The following JOSD1 variants were observed in gnomAD, a reference collection of about 807,000 sequenced individuals.
The protein encoded by JOSD1 is josephin-1.
In JOSD1, 11 loss-of-function variants were observed where a neutral mutation model predicts 24.3. The observed-to-expected ratio is 0.45, with a 90% confidence interval of 0.29 to 0.75. JOSD1 has a LOEUF of 0.75. Ranked by LOEUF, JOSD1 falls within the 30% of genes least tolerant of loss-of-function variation. JOSD1 has a pLI of 0.11. For missense variants in JOSD1, 184 were observed against 253.5 expected, an observed-to-expected ratio of 0.73 and a Z score of 1.86; for synonymous variants, 106 against 93.8, an observed-to-expected ratio of 1.13 and a Z score of -0.75.
chr22:38,699,934 C>T lies in JOSD1; in HGVS notation c.54G>A (p.Leu18=), dbSNP rs756380535. 1.9e-6 allele frequency: 3 copies of T among 1,613,626 alleles called. No individual in the cohort carries two copies. Among genetic ancestry groups the T allele is most frequent in the African/African-American group, 1.3e-5 (1 of 74,910 alleles). Residue 18 remains leucine (L), a synonymous_variant, in exon 2 of 5, where the codon CTG becomes CTA. Transcript: ENST00000683374. ...GDKAKSESLE[L]PQAAPPQIYH... is the part of the protein sequence containing the mutation. ...AGATTTGTGGGGGTGCTGCCTGGGG[C>T]AGCTCCAATGATTCAGATTTGGCCT...
chr22:38,694,595 G>T (rs1485217623), intron 2 of JOSD1, among the ~76,000 whole-genome samples: 1 of 152,094 alleles, frequency 6.6e-6, no homozygotes, highest in Non-Finnish European at 1.5e-5. Flanking sequence ...AGGCGCAGTG[G>T]CTCAGGCCTG....
intron 2 of JOSD1, among the ~76,000 whole-genome samples, chr22:38,690,559 C>T (rs1046720455): frequency 2.0e-5 from 3 of 151,900 alleles, no homozygotes; most frequent in Admixed American, 6.6e-5. Context: ...CCCGCCACCA[C>T]GCCCACCTAA....
At chr22:38,691,525 T>C (rs1569264224) in intron 2 of JOSD1, among the ~76,000 whole-genome samples, 3 of 152,212 alleles carry the variant, frequency 2.0e-5, no homozygotes, top group Admixed American at 1.3e-4. Context: ...TTACCTTTTA[T>C]TACACTGACC....
At chr22:38,689,226 G>A in intron 3 of JOSD1, 70 bp downstream of exon 3, 8 of 1,605,458 alleles carry the variant, frequency 5.0e-6, no homozygotes, top group Non-Finnish European at 6.8e-6. Context: ...CTCATGCCAT[G>A]AGCCCAAGTA....
At chr22:38,693,694 C>T (rs1448754293) in intron 2 of JOSD1, among the ~76,000 whole-genome samples, 1 of 152,220 alleles carries the variant, frequency 6.6e-6, no homozygotes, top group Non-Finnish European at 1.5e-5. Context: ...ATTCTCCTGT[C>T]TCAGCCTCCC....
chr22:38,700,083 G>C lies in JOSD1; in HGVS notation c.-96C>G. On this transcript the variant is annotated 5_prime_UTR_variant, in exon 2 of 5. Transcript: ENST00000683374. Reference sequence around the variant, plus strand: ...TCTCAGTCTTTTCCGGATTCCTGAGGTCCACCTTATTCTCTGGTGTCCATG... The same window carrying C: ...TCTCAGTCTTTTCCGGATTCCTGAGCTCCACCTTATTCTCTGGTGTCCATG... 6.7e-7 allele frequency: 1 copy of C among 1,493,252 alleles called. No individual in the cohort carries two copies. Among genetic ancestry groups the C allele is most frequent in the Non-Finnish European group, 8.9e-7 (1 of 1,124,294 alleles). 92.5% of individuals were successfully genotyped at this position (1,493,252 alleles called of 1,614,324 possible). A position where few individuals can be genotyped will look rare whatever the true frequency, so the allele number is the denominator to read the frequency against.
In JOSD1 at chr22:38,685,660, A is replaced by T. The variant is rs2092494671; in HGVS notation, c.*2242T>A. 6.5e-6 allele frequency: 1 copy of T among 152,684 alleles called. No individual in the cohort carries two copies. The highest frequency in any genetic ancestry group is 6.5e-5 in the Admixed American group (1 of 15,288). 9.5% of individuals were successfully genotyped at this position (152,684 alleles called of 1,614,324 possible). On this transcript the variant is annotated 3_prime_UTR_variant, in exon 5 of 5. Transcript: ENST00000683374. ...TTTAATATTTGGTTAAACAAAATAC[A>T]TCTTTTGTAAACAAACGCAGCACAA...
Position 38,700,168 on chromosome 22 carries a change from C to T in JOSD1, c.-181G>A. The T allele has an allele frequency of 2.3e-6, 3 of 1,310,756 alleles. No homozygotes were observed. The highest frequency in any genetic ancestry group is 2.9e-6 in the Non-Finnish European group (3 of 1,030,772). 81.2% of individuals were successfully genotyped at this position (1,310,756 alleles called of 1,614,324 possible). The stretch of plus-strand genomic sequence containing the variant: ...TCAAAAGGAAAAAAATAAAACCCAC[C>T]TCTTCTCTCTTCTCAATAGAAAAAT... On this transcript the variant is annotated 5_prime_UTR_variant, in exon 2 of 5. Coordinates refer to ENST00000683374, the MANE Select transcript of JOSD1 (RefSeq NM_001360236.2).
At chr22:38,701,149 C>T (rs963909136), upstream of JOSD1, 73 of 243,576 alleles carry the variant, frequency 3.0e-4, no homozygotes, top group African/African-American at 1.6e-3. Flanking sequence ...TTGCAAAGGC[C>T]GTGGGTGTGG....
chr22:38,688,115 T>C (rs2092506146), intron 4 of JOSD1, 114 bp from the exon 5 acceptor site: 1 of 687,288 alleles, frequency 1.5e-6, no homozygotes, highest in African/African-American at 1.8e-5. Flanking sequence ...AACACATCCC[T>C]GTAGTCATCT....
At chr22:38,696,861 C>CT (rs988120482) in intron 2 of JOSD1, among the ~76,000 whole-genome samples, 13 of 152,178 alleles carry the variant, frequency 8.5e-5, no homozygotes, top group African/African-American at 2.9e-4. Context: ...TATTTTGCTT[C>CT]TTTTTTCTGG....
chr22:38,691,942 C>G (rs1391170518), intron 2 of JOSD1, among the ~76,000 whole-genome samples: 3 of 152,196 alleles, frequency 2.0e-5, no homozygotes, highest in Non-Finnish European at 4.4e-5. Flanking sequence ...CTAAAGAGTG[C>G]CTGGCACAAG....
chr22:38,691,666 GC>G (rs2145808350), intron 2 of JOSD1, among the ~76,000 whole-genome samples: 1 of 152,210 alleles, frequency 6.6e-6, no homozygotes, highest in Non-Finnish European at 1.5e-5. Flanking sequence ...CCATAGAGAG[GC>G]CTTTTCTTTT....
intron 2 of JOSD1, among the ~76,000 whole-genome samples, chr22:38,696,096 A>C (rs1288943444): frequency 6.6e-6 from 1 of 152,136 alleles, no homozygotes; most frequent in African/African-American, 2.4e-5. Context: ...GGAATGCAGA[A>C]CTAGATGTAA....
rs529501857 is a variant in JOSD1 at position 38,697,597 on chromosome 22, A to G, written c.185+2206T>C. On this transcript the variant is annotated intron_variant, in intron 2 of 4. Coordinates refer to ENST00000683374, the MANE Select transcript of JOSD1 (RefSeq NM_001360236.2). Reference sequence around the variant, plus strand: ...TCAGCAGCTGGAGGAACAGCTACTGATAGCACTCTACAGGCGCTTCCAGTA... The same window carrying G: ...TCAGCAGCTGGAGGAACAGCTACTGGTAGCACTCTACAGGCGCTTCCAGTA... Among the ~76,000 whole-genome samples, 144 of 152,362 alleles carry G rather than the reference A, an allele frequency of 9.5e-4. 2 individuals carry two copies. Among genetic ancestry groups the G allele is most frequent in the African/African-American group, 3.3e-3 (137 of 41,592 alleles).
At position 38,700,888 on chromosome 22, in the gene JOSD1, C is replaced by A; in HGVS notation, c.-720G>T. The A allele has an allele frequency of 1.0e-6, 1 of 984,540 alleles. No individual in the cohort carries two copies. The highest frequency in any genetic ancestry group is 1.2e-6 in the Non-Finnish European group (1 of 829,656). The allele number at this position is 984,540 out of a possible 1,614,324, so 61.0% of individuals were successfully genotyped here. On this transcript the variant is annotated 5_prime_UTR_variant, in exon 1 of 5. Transcript: ENST00000683374. ...CCAGGGCCGCCGGGACTGCTCGCCG[C>A]TGGCGGTCCCCTCACCGCAGCCGGC... is the stretch of plus-strand genomic sequence containing the variant.
At chr22:38,698,319 T>G (rs1056537920) in intron 2 of JOSD1, among the ~76,000 whole-genome samples, 17 of 152,336 alleles carry the variant, frequency 1.1e-4, no homozygotes, top group Non-Finnish European at 2.1e-4. Flanking sequence ...GGTAAGGCAT[T>G]ACTCTGGTTA....
In JOSD1 at chr22:38,700,429, A is replaced by G; in HGVS notation, c.-442T>C. On this transcript the variant is annotated 5_prime_UTR_variant, in exon 2 of 5. Coordinates refer to ENST00000683374, the MANE Select transcript of JOSD1 (RefSeq NM_001360236.2). Reference sequence around the variant, plus strand: ...TTTCTTTTGAACCACGACGCCAATGACTCGGGAGACAAGGCCTGGGTGACG... The same window carrying G: ...TTTCTTTTGAACCACGACGCCAATGGCTCGGGAGACAAGGCCTGGGTGACG... 1.0e-6 allele frequency: 1 copy of G among 987,328 alleles called. No homozygotes were observed. 61.2% of individuals were successfully genotyped at this position (987,328 alleles called of 1,614,324 possible).
chr22:38,700,028 A>C lies in JOSD1; in HGVS notation c.-41T>G. On this transcript the variant is annotated 5_prime_UTR_variant, in exon 2 of 5. Coordinates refer to ENST00000683374, the MANE Select transcript of JOSD1 (RefSeq NM_001360236.2). ...TTCCAGAGATGGCTATAAACACCCC[A>C]CTCTTCCCTCTAGAGGAAGAATGTA... is the stretch of plus-strand genomic sequence containing the variant. 1.3e-6 allele frequency: 2 copies of C among 1,536,764 alleles called. No individual in the cohort carries two copies. The highest frequency in any genetic ancestry group is 1.7e-6 in the Non-Finnish European group (2 of 1,143,988).
Sources: allele counts gnomAD v4.1 joint callset (sites outside exome capture counted in the v4.1 genomes callset), GRCh38; gene constraint gnomAD v4.1.1; transcripts MANE v1.5; gene names NCBI Gene and HGNC (gene_info 2026-07-23, HGNC 2026-07-21).